The following BCL2L11 variants were observed in gnomAD, a reference collection of about 807,000 sequenced individuals.
The protein encoded by BCL2L11 is BCL2 like 11.
A neutral mutation model predicts 20.6 loss-of-function variants in BCL2L11; 15 were observed. That is an observed-to-expected ratio of 0.73 (90% CI 0.49 to 1.12). The LOEUF is 1.12. Among genes scored for constraint, BCL2L11 ranks in the 50% most tolerant of loss-of-function variants. BCL2L11 has a pLI of 0.00. For missense variants in BCL2L11, 292 were observed against 260.9 expected (o/e 1.12, Z -0.82); for synonymous variants, 108 against 92.8 (o/e 1.16, Z -0.94).
intron 2 of BCL2L11, chr2:111,142,249 A>C: frequency 6.5e-6 from 9 of 1,393,896 alleles, no homozygotes; most frequent in Non-Finnish European, 9.0e-6. Flanking sequence ...TCTGTGACAA[A>C]ACAAGTTATC....
Position 111,151,880 on chromosome 2 carries a change from C to G in BCL2L11, c.498+1733C>G, listed in dbSNP as rs746508236. ...AAACCAGTTCACAGAACATTCCAGCCTAGATCTGAAATGGTAATTTTTTTG... is the reference window on the plus strand; with the variant it reads ...AAACCAGTTCACAGAACATTCCAGCGTAGATCTGAAATGGTAATTTTTTTG... On this transcript the variant is annotated intron_variant, in intron 3 of 3. Coordinates refer to ENST00000393256, the MANE Select transcript of BCL2L11 (RefSeq NM_138621.5). The G allele has an allele frequency of 7.7e-6, 12 of 1,548,842 alleles. 1 individual carries two copies. The South Asian group carries it at 1.2e-4, about 15-fold the overall frequency.
At chr2:111,149,083 G>A (rs928172852) in intron 2 of BCL2L11, among the ~76,000 whole-genome samples, 2 of 152,230 alleles carry the variant, frequency 1.3e-5, no homozygotes, top group Non-Finnish European at 2.9e-5. Context: ...CGTGAATAGC[G>A]GTGGAAATCC....
At chr2:111,123,126 G>C (rs1219777763) in intron 1 of BCL2L11, 1 of 983,180 alleles carries the variant, frequency 1.0e-6, no homozygotes, top group African/African-American at 1.7e-5. Context: ...TCGGTGCGGC[G>C]TGCGGTACGG....
chr2:111,121,650 C>T (rs1352281074), intron 1 of BCL2L11, among the ~76,000 whole-genome samples: 1 of 152,236 alleles, frequency 6.6e-6, no homozygotes, highest in African/African-American at 2.4e-5. Flanking sequence ...GCGCGTGGGC[C>T]TGTTGCGGAG....
At chr2:111,129,083 G>A (rs907810061) in intron 2 of BCL2L11, among the ~76,000 whole-genome samples, 19 of 152,232 alleles carry the variant, frequency 1.2e-4, no homozygotes, top group Admixed American at 3.3e-4. Context: ...GCAGAATCTT[G>A]TAAGCATTTT....
intron 2 of BCL2L11, among the ~76,000 whole-genome samples, chr2:111,143,312 A>G (rs1239135192): frequency 6.6e-6 from 1 of 152,110 alleles, no homozygotes; most frequent in African/African-American, 2.4e-5. Flanking sequence ...ACTGTCACAC[A>G]CTATTCAGAG....
At position 111,138,317 on chromosome 2, in the gene BCL2L11, G is replaced by T. The variant is rs553607545; in HGVS notation, c.395-11727G>T. Among the ~76,000 whole-genome samples, 27 of 152,310 alleles carry T rather than the reference G, an allele frequency of 1.8e-4. 3 individuals carry two copies. In the South Asian group the frequency reaches 5.6e-3, roughly 32 times the overall value. ...GAGCCACTGCTCCTGGCCACAGGTG[G>T]TCTTTTCTGTGTGCCTTTGTGTATG... On this transcript the variant is annotated intron_variant, in intron 2 of 3. Transcript: ENST00000393256.
At chr2:111,141,010 T>C (rs1222590955) in intron 2 of BCL2L11, among the ~76,000 whole-genome samples, 1 of 152,146 alleles carries the variant, frequency 6.6e-6, no homozygotes, top group Non-Finnish European at 1.5e-5. Flanking sequence ...GCTCCTCTAG[T>C]GTGAGGTGTG....
At chr2:111,135,773 C>T (rs1411489254) in intron 2 of BCL2L11, among the ~76,000 whole-genome samples, 1 of 152,178 alleles carries the variant, frequency 6.6e-6, no homozygotes, top group Non-Finnish European at 1.5e-5. Context: ...AATGTCATGT[C>T]AACTAACTAA....
rs1185716479 is a variant in BCL2L11 at position 111,136,693 on chromosome 2, G to T, written c.394+12554G>T. ...TCCTCGAGTGATAGAAAATGTGAGG[G>T]TTTCTCTGGGGTCTCTTTTGTGAGA... On this transcript the variant is annotated intron_variant, in intron 2 of 3. Transcript: ENST00000393256. Among the ~76,000 whole-genome samples the T allele has an allele frequency of 3.9e-5, 6 of 152,154 alleles. No homozygotes were observed. In the East Asian group the frequency reaches 9.6e-4, roughly 24 times the overall value.
At position 111,164,181 on chromosome 2, in the gene BCL2L11, A is replaced by G; in HGVS notation, c.547A>G (p.Ile183Val). The change falls in exon 4 of 4, where the codon ATC (isoleucine) becomes GTC (valine). Residue 183 changes from isoleucine (I) to valine (V), a missense_variant. Physicochemically the swap from Ile to Val is conservative, Grantham distance 29. Transcript: ENST00000393256. ...AGCCGAAGACCACCCACGAATGGTTATCTTACGACTGTTACGTTACATTGT... is the reference window on the plus strand; with the variant it reads ...AGCCGAAGACCACCCACGAATGGTTGTCTTACGACTGTTACGTTACATTGT... ...QAAEDHPRMV[I>V]LRLLRYIVRL... 2 of 1,606,124 alleles carry G rather than the reference A, an allele frequency of 1.2e-6. No homozygotes were observed. Among genetic ancestry groups the G allele is most frequent in the Non-Finnish European group, 1.7e-6 (2 of 1,174,810 alleles).
chr2:111,123,314 A>G (rs1217761514), intron 1 of BCL2L11: 7 of 985,394 alleles, frequency 7.1e-6, no homozygotes, highest in African/African-American at 3.5e-5. Context: ...GAACGCGGCC[A>G]GCCGCCTGCA....
intron 2 of BCL2L11, among the ~76,000 whole-genome samples, chr2:111,134,847 C>T (rs868082294): frequency 3.3e-5 from 5 of 152,170 alleles, no homozygotes; most frequent in Non-Finnish European, 7.3e-5. Flanking sequence ...CTTAGGGCCT[C>T]TATGGTTTTA....
chr2:111,138,051 C>T (rs1420196036), intron 2 of BCL2L11, among the ~76,000 whole-genome samples: 1 of 147,962 alleles, frequency 6.8e-6, no homozygotes, highest in Non-Finnish European at 1.5e-5. Flanking sequence ...TACTGTCACC[C>T]AGGCTGGAAT....
chr2:111,150,359 C>G, intron 3 of BCL2L11: 1 of 963,710 alleles, frequency 1.0e-6, no homozygotes, highest in Admixed American at 2.9e-5. Context: ...CAGTAGGAGG[C>G]AGCAAAGGAA....
chr2:111,133,785 T>A (rs761985171), intron 2 of BCL2L11, among the ~76,000 whole-genome samples: 3 of 152,192 alleles, frequency 2.0e-5, no homozygotes, highest in Non-Finnish European at 4.4e-5. Context: ...TCCTTGCTGA[T>A]TTTACTGTCT....
At chr2:111,158,483 C>G (rs1251890074) in intron 3 of BCL2L11, among the ~76,000 whole-genome samples, 2 of 152,032 alleles carry the variant, frequency 1.3e-5, no homozygotes, top group East Asian at 1.9e-4. Flanking sequence ...AGCAGAGATT[C>G]CCTCTGTCCT....
At chr2:111,137,988 C>T (rs1237142915) in intron 2 of BCL2L11, among the ~76,000 whole-genome samples, 6 of 149,790 alleles carry the variant, frequency 4.0e-5, no homozygotes, top group South Asian at 2.1e-4. Context: ...GGCTTTTCTC[C>T]CTTTTTTCTT....
intron 2 of BCL2L11, among the ~76,000 whole-genome samples, chr2:111,146,724 C>T: frequency 6.6e-6 from 1 of 152,202 alleles, no homozygotes; most frequent in East Asian, 1.9e-4. Context: ...GAGAGGCTTT[C>T]TCTATCCCCA....
Sources: gnomAD v4.1 joint callset for allele counts (sites outside exome capture counted in the v4.1 genomes callset) on GRCh38, gnomAD v4.1.1 for gene constraint, MANE v1.5 for transcripts, NCBI Gene and HGNC (gene_info 2026-07-23, HGNC 2026-07-21) for gene names.